SIDT2: variants seen among roughly 807,000 people sequenced by gnomAD.
SIDT2 encodes SID1 transmembrane family, member 2.
SIDT2 carries 68 observed loss-of-function variants against 114.4 expected under a neutral mutation model. The observed-to-expected ratio is 0.59, with a 90% CI of 0.49 to 0.73. The LOEUF is 0.73. Among genes scored for constraint, SIDT2 ranks in the 30% least tolerant of loss-of-function variants. The probability of loss-of-function intolerance (pLI) is 0.00; values close to 1 mark genes in which losing one functional copy is unlikely to be tolerated. For missense variants in SIDT2, 918 were observed against 1,097.1 expected (o/e 0.84, Z 2.31); for synonymous variants, 470 against 438.4 (o/e 1.07, Z -0.90).
intron 10 of SIDT2, 96 bp from the exon 11 acceptor site, chr11:117,187,282 C>G (rs757421472): frequency 6.0e-5 from 75 of 1,240,198 alleles, no homozygotes; most frequent in Non-Finnish European, 9.5e-6. Flanking sequence ...CATGGCCTCC[C>G]TGTGGCTGTC....
intron 24 of SIDT2, among the ~76,000 whole-genome samples, chr11:117,195,113 A>AAAAAAAAAT: frequency 6.7e-6 from 1 of 148,568 alleles, no homozygotes; most frequent in Non-Finnish European, 1.5e-5. Context: ...AAAAAAAAAA[A>AAAAAAAAAT]AGTCTTGGGT....
At chr11:117,189,867 T>A in intron 15 of SIDT2, 85 bp from the exon 16 acceptor site, 1 of 1,377,778 alleles carries the variant, frequency 7.3e-7, no homozygotes, top group Non-Finnish European at 1.0e-6. Flanking sequence ...ACTTGCTGTT[T>A]TTTGCCAAAG....
chr11:117,194,734 G>A (rs1009668902), intron 24 of SIDT2, among the ~76,000 whole-genome samples: 5 of 152,186 alleles, frequency 3.3e-5, no homozygotes, highest in African/African-American at 7.2e-5. Flanking sequence ...GGGTCTCTCC[G>A]AGTTAGGAGT....
rs1251121484 is a variant in SIDT2 at position 117,179,187 on chromosome 11, A to G, written c.-77A>G. 5 of 1,433,268 alleles carry G rather than the reference A, an allele frequency of 3.5e-6. No homozygotes were observed. Among genetic ancestry groups the G allele is most frequent in the Admixed American group, 2.1e-5 (1 of 47,118 alleles). 88.8% of individuals were successfully genotyped at this position (1,433,268 alleles called of 1,614,324 possible). Reference sequence around the variant, plus strand: ...GCTGGAAGCTGCGGCCGCAGCCGCAACCCGTCCCGGAGGTGTCCTGTCTCC... The same window carrying G: ...GCTGGAAGCTGCGGCCGCAGCCGCAGCCCGTCCCGGAGGTGTCCTGTCTCC... On this transcript the variant is annotated 5_prime_UTR_variant, in exon 1 of 26. Coordinates refer to ENST00000324225, the MANE Select transcript of SIDT2 (RefSeq NM_001040455.2).
rs2030130522 is a variant in SIDT2 at position 117,178,854 on chromosome 11, C to T, written c.-410C>T. On this transcript the variant is annotated 5_prime_UTR_variant, in exon 1 of 26. Coordinates refer to ENST00000324225, the MANE Select transcript of SIDT2 (RefSeq NM_001040455.2). ...GCTACCACCTATCACGCCCCTCACTCTGCGACTCGCCTTCCTCCGCGGCCA... is the reference window on the plus strand; with the variant it reads ...GCTACCACCTATCACGCCCCTCACTTTGCGACTCGCCTTCCTCCGCGGCCA... 1 of 198,698 alleles carries T rather than the reference C, an allele frequency of 5.0e-6. No individual in the cohort carries two copies. Among genetic ancestry groups the T allele is most frequent in the Non-Finnish European group, 1.0e-5 (1 of 96,140 alleles). The allele number at this position is 198,698 out of a possible 1,614,324, so 12.3% of individuals were successfully genotyped here.
At position 117,179,448 on chromosome 11, in the gene SIDT2, T is replaced by G. The variant is rs2030175117; in HGVS notation, c.183+2T>G. On this transcript the variant is annotated splice_donor_variant, in intron 1 of 25. Coordinates refer to ENST00000324225, the MANE Select transcript of SIDT2 (RefSeq NM_001040455.2). LOFTEE classifies it high-confidence loss of function. ...AACCATACTGTGACCCGCAACAGGG[T>G]GAGGGCTGGGGGCTTAGGGGCCAGA... is the stretch of plus-strand genomic sequence containing the variant. 6.2e-7 allele frequency: 1 copy of G among 1,611,994 alleles called. No individual in the cohort carries two copies. The highest frequency in any genetic ancestry group is 1.3e-5 in the African/African-American group (1 of 74,830).
At chr11:117,181,693 C>T (rs531020872) in intron 2 of SIDT2, 114 bp from the exon 3 acceptor site, 15 of 1,571,098 alleles carry the variant, frequency 9.5e-6, no homozygotes, top group African/African-American at 4.0e-5. Flanking sequence ...GGAGCTTGTG[C>T]ACCTCGCAGG....
chr11:117,179,187 A>C lies in SIDT2; in HGVS notation c.-77A>C. The C allele has an allele frequency of 7.0e-7, 1 of 1,433,390 alleles. No individual in the cohort carries two copies. The highest frequency in any genetic ancestry group is 9.5e-7 in the Non-Finnish European group (1 of 1,056,472). 88.8% of individuals were successfully genotyped at this position (1,433,390 alleles called of 1,614,324 possible). ...GCTGGAAGCTGCGGCCGCAGCCGCAACCCGTCCCGGAGGTGTCCTGTCTCC... is the reference window on the plus strand; with the variant it reads ...GCTGGAAGCTGCGGCCGCAGCCGCACCCCGTCCCGGAGGTGTCCTGTCTCC... On this transcript the variant is annotated 5_prime_UTR_variant, in exon 1 of 26. Transcript: ENST00000324225.
At position 117,192,512 on chromosome 11, in the gene SIDT2, C is replaced by T. The variant is rs570011667; in HGVS notation, c.1982-62C>T. 29 of 1,584,170 alleles carry T rather than the reference C, an allele frequency of 1.8e-5. No individual in the cohort carries two copies. In the African/African-American group the frequency reaches 3.5e-4, roughly 19 times the overall value. The stretch of plus-strand genomic sequence containing the variant: ...GGCCTGGGCTCCTCAGCTGGCACAT[C>T]CCAGGGGTCCAGCAAAGGAGGGTGC... On this transcript the variant is annotated intron_variant, in intron 20 of 25. Coordinates refer to ENST00000324225, the MANE Select transcript of SIDT2 (RefSeq NM_001040455.2). This position sits in a 1 kb window ranked among gnomAD's most constrained non-coding sequence, Gnocchi z 5.9.
rs113823683 is a variant in SIDT2 at position 117,192,419 on chromosome 11, C to G, written c.1981+57C>G. On this transcript the variant is annotated intron_variant, in intron 20 of 25. Coordinates refer to ENST00000324225, the MANE Select transcript of SIDT2 (RefSeq NM_001040455.2). The surrounding 1 kb of genome is among the most constrained non-coding windows in gnomAD (Gnocchi z 5.9). ...AGGGGTCTGGGGGGCCTTGGGAACCCGGACGCACGGGAGACGCTCAGGTTC... is the reference window on the plus strand; with the variant it reads ...AGGGGTCTGGGGGGCCTTGGGAACCGGGACGCACGGGAGACGCTCAGGTTC... 3,850 of 1,402,320 alleles carry G rather than the reference C, an allele frequency of 2.7e-3. 37 individuals are homozygous for G. The African/African-American group carries it at 0.029, about 11-fold the overall frequency. 86.9% of individuals were successfully genotyped at this position (1,402,320 alleles called of 1,614,324 possible). A position where few individuals can be genotyped will look rare whatever the true frequency, so the allele number is the denominator to read the frequency against.
At chr11:117,189,511 T>A (rs2030623448) in intron 15 of SIDT2, 110 bp downstream of exon 15, 17 of 1,189,686 alleles carry the variant, frequency 1.4e-5, no homozygotes, top group Admixed American at 2.2e-5. Context: ...TGGGTTCAGA[T>A]CCCAGCTCTG....
At chr11:117,195,396 CAGT>C (rs1273874543) in intron 24 of SIDT2, among the ~76,000 whole-genome samples, 1 of 152,094 alleles carries the variant, frequency 6.6e-6, no homozygotes, top group Non-Finnish European at 1.5e-5. Context: ...TGTAACCTGA[CAGT>C]AGTGCTTTGG....
At position 117,178,853 on chromosome 11, in the gene SIDT2, T is replaced by C. The variant is rs1037145847; in HGVS notation, c.-411T>C. 1 of 196,876 alleles carries C rather than the reference T, an allele frequency of 5.1e-6. No homozygotes were observed. The highest frequency in any genetic ancestry group is 2.4e-5 in the African/African-American group (1 of 42,120). 12.2% of individuals were successfully genotyped at this position (196,876 alleles called of 1,614,324 possible). A position where few individuals can be genotyped will look rare whatever the true frequency, so the allele number is the denominator to read the frequency against. ...AGCTACCACCTATCACGCCCCTCAC[T>C]CTGCGACTCGCCTTCCTCCGCGGCC... On this transcript the variant is annotated 5_prime_UTR_variant, in exon 1 of 26. Transcript: ENST00000324225.
Position 117,182,052 on chromosome 11 carries a change from C to T in SIDT2, c.471-8C>T, listed in dbSNP as rs2030309406. ...GGTGACTGGTGGGGGCTCTTCTCTG[C>T]CCTGCAGGACTGGGGAGCAGTTCAG... On this transcript the variant is annotated splice_region_variant and splice_polypyrimidine_tract_variant and intron_variant, in intron 3 of 25. Coordinates refer to ENST00000324225, the MANE Select transcript of SIDT2 (RefSeq NM_001040455.2). The T allele has an allele frequency of 1.9e-6, 3 of 1,614,080 alleles. No individual in the cohort carries two copies. The highest frequency in any genetic ancestry group is 4.5e-5 in the East Asian group (2 of 44,882).
chr11:117,179,956 A>G (rs1049922726), intron 1 of SIDT2: 1 of 152,358 alleles, frequency 6.6e-6, no homozygotes, highest in Non-Finnish European at 1.5e-5. Context: ...TGAGGGTGAC[A>G]GAGGTTTTAT....
chr11:117,186,913 T>G (rs1320342979), intron 10 of SIDT2: 1 of 1,491,216 alleles, frequency 6.7e-7, no homozygotes, highest in Non-Finnish European at 9.0e-7. Flanking sequence ...TCTGGGATTA[T>G]TAACCTTTCC....
intron 24 of SIDT2, among the ~76,000 whole-genome samples, chr11:117,195,337 G>A (rs994653297): frequency 1.3e-5 from 2 of 152,178 alleles, no homozygotes; most frequent in Admixed American, 6.5e-5. Flanking sequence ...GAGTAGAGCA[G>A]GGAGGACCTT....
In SIDT2 at chr11:117,196,109, C is replaced by T. The variant is rs1244775544; in HGVS notation, c.*43C>T. ...GCTTCACCTCAAGGGGCCCTGAGCT[C>T]CTTTGTGTCATAGACCGGTCACTCT... On this transcript the variant is annotated 3_prime_UTR_variant, in exon 26 of 26. Coordinates refer to ENST00000324225, the MANE Select transcript of SIDT2 (RefSeq NM_001040455.2). The surrounding 1 kb of genome is among the most constrained non-coding windows in gnomAD (Gnocchi z 4.9). The T allele has an allele frequency of 5.6e-6, 9 of 1,612,946 alleles. No individual in the cohort carries two copies. The South Asian group carries it at 7.7e-5, about 14-fold the overall frequency.
intron 22 of SIDT2, 84 bp from the exon 23 acceptor site, chr11:117,193,069 A>C (rs2030761571): frequency 2.7e-6 from 4 of 1,465,892 alleles, no homozygotes; most frequent in African/African-American, 1.4e-5. Flanking sequence ...CCAACATCAT[A>C]ATAAAACATG....
Sources: allele counts gnomAD v4.1 joint callset (sites outside exome capture counted in the v4.1 genomes callset), GRCh38; gene constraint gnomAD v4.1.1; non-coding constraint Gnocchi (gnomAD v3.1); transcripts MANE v1.5; gene names NCBI Gene and HGNC (gene_info 2026-07-23, HGNC 2026-07-21).